SLC38A10: variants seen among roughly 807,000 people sequenced by gnomAD.
SLC38A10 encodes the protein Sodium-coupled neutral amino acid transporter 10.
SLC38A10 carries 53 observed loss-of-function variants against 81.0 expected under a neutral mutation model. The ratio of observed to expected loss-of-function variants is 0.65; its 90% CI spans 0.53 to 0.82. The LOEUF (loss-of-function observed/expected upper bound fraction) is 0.82. SLC38A10 is among the 40% of genes least tolerant of loss of function. The pLI, the probability that SLC38A10 is intolerant of heterozygous loss-of-function variation, is 0.00. For missense variants in SLC38A10, 1,471 were observed against 1,545.0 expected, an observed-to-expected ratio of 0.95 and a Z score of 0.80; for synonymous variants, 665 against 655.3, an observed-to-expected ratio of 1.01 and a Z score of -0.23.
intron 8 of SLC38A10, 44 bp downstream of exon 8, chr17:81,275,925 T>TG (rs1305390878): frequency 7.6e-6 from 12 of 1,572,542 alleles, no homozygotes; most frequent in Non-Finnish European, 1.0e-5. Flanking sequence ...GAAGCGAGCC[T>TG]GACCTGTGCT....
Position 81,246,936 on chromosome 17 carries a change from T to C in SLC38A10, c.2191A>G (p.Lys731Glu), listed in dbSNP as rs751124562. 6.2e-7 allele frequency: 1 copy of C among 1,608,146 alleles called. No individual in the cohort carries two copies. The highest frequency in any genetic ancestry group is 1.1e-5 in the South Asian group (1 of 91,010). Residue 731 changes from lysine to glutamate, a missense_variant, in exon 15 of 16, where the codon AAG (lysine) becomes GAG (glutamate). By Grantham distance (56) the Lys-to-Glu change is moderately conservative (BLOSUM62 1). This residue lies in a region of SLC38A10 where 751 missense variants were observed against 717.4 expected (regional missense o/e 1.05). Transcript: ENST00000374759. ...TCCTGCCTCTGCTGGTGGATCTCCTTGTGCTGCTCCTCGATCACCGCCAGC... is the reference window on the plus strand; with the variant it reads ...TCCTGCCTCTGCTGGTGGATCTCCTCGTGCTGCTCCTCGATCACCGCCAGC... ...KLLAVIEEQH[K>E]EIHQQRQEDE...
chr17:81,252,320 G>A lies in SLC38A10; in HGVS notation c.1820C>T (p.Pro607Leu). ...GPGDRGLHPR[P>L]QAVLSEQQNG... ...CTGCTGCTCAGACAGCACTGCCTGG[G>A]GCCGAGGATGCAGGCCCCTGTCTCC... Residue 607 changes from proline (P) to leucine (L), a missense_variant, in exon 13 of 16, where the codon CCC becomes CTC. Pro to Leu is a moderately conservative substitution (Grantham distance 98). Transcript: ENST00000374759. 1 of 1,612,594 alleles carries A rather than the reference G, an allele frequency of 6.2e-7. No individual in the cohort carries two copies. Among genetic ancestry groups the A allele is most frequent in the Non-Finnish European group, 8.5e-7 (1 of 1,179,708 alleles).
intron 8 of SLC38A10, among the ~76,000 whole-genome samples, chr17:81,274,328 G>A (rs563024332): frequency 1.3e-5 from 2 of 152,346 alleles, no homozygotes; most frequent in South Asian, 2.1e-4. Flanking sequence ...AAGTCTGCAG[G>A]AGGCTGTGGT....
chr17:81,256,259 G>A (rs375984486), intron 11 of SLC38A10, among the ~76,000 whole-genome samples: 5 of 152,228 alleles, frequency 3.3e-5, no homozygotes, highest in South Asian at 2.1e-4. Flanking sequence ...CTCAGGGCTC[G>A]GTCTTTGGAG....
At chr17:81,275,509 G>C (rs955219313) in intron 8 of SLC38A10, among the ~76,000 whole-genome samples, 1 of 151,814 alleles carries the variant, frequency 6.6e-6, no homozygotes, top group African/African-American at 2.4e-5. Flanking sequence ...CGAGACGGGC[G>C]GATCACGAGG....
At chr17:81,247,311 C>T (rs2062861666) in intron 14 of SLC38A10, 1 of 381,090 alleles carries the variant, frequency 2.6e-6, no homozygotes, top group Non-Finnish European at 4.7e-6. Flanking sequence ...GATGGCCTCT[C>T]CCGCACAGCC....
intron 9 of SLC38A10, 103 bp from the exon 10 acceptor site, chr17:81,271,127 G>A (rs376657445): frequency 2.7e-5 from 26 of 948,812 alleles, no homozygotes; most frequent in African/African-American, 4.9e-5. Context: ...CAGCATTGAA[G>A]GAAATGCCGT....
intron 11 of SLC38A10, among the ~76,000 whole-genome samples, chr17:81,257,612 T>C (rs1051910323): frequency 8.5e-5 from 13 of 152,306 alleles, no homozygotes; most frequent in Admixed American, 2.6e-4. Flanking sequence ...CCTCCACGCA[T>C]GGGGGCTGTG....
intron 14 of SLC38A10, among the ~76,000 whole-genome samples, chr17:81,249,155 G>GGCC (rs2062880607): frequency 6.7e-6 from 1 of 150,176 alleles, no homozygotes; most frequent in Admixed American, 6.6e-5. Flanking sequence ...ACTAGCCCTG[G>GGCC]GCCTGGTGCT....
intron 10 of SLC38A10, among the ~76,000 whole-genome samples, chr17:81,261,563 A>G (rs991102985): frequency 6.6e-6 from 1 of 152,236 alleles, no homozygotes; most frequent in Non-Finnish European, 1.5e-5. Context: ...CAATTAGAGA[A>G]GAGGTCTCCC....
At position 81,270,996 on chromosome 17, in the gene SLC38A10, C is replaced by T. The variant is rs758222332; in HGVS notation, c.1053G>A (p.Ala351=). The T allele has an allele frequency of 1.7e-5, 28 of 1,613,282 alleles. No homozygotes were observed. Among genetic ancestry groups the T allele is most frequent in the South Asian group, 1.1e-4 (10 of 91,080 alleles). ...TGAAGCAGATGAGGCTTCCCATGGT[C>T]GCTCCTGTGAGGCCCAGGATGGTCT... is the stretch of plus-strand genomic sequence containing the variant. ...NVETILGLTG[A]TMGSLICFIC... is the part of the protein sequence containing the mutation. The change falls in exon 10 of 16, where the codon GCG becomes GCA. Residue 351 remains alanine, a synonymous_variant. Transcript: ENST00000374759. This position sits in a 1 kb window ranked among gnomAD's most constrained non-coding sequence, Gnocchi z 4.0.
At chr17:81,280,573 A>C in intron 6 of SLC38A10, 36 bp downstream of exon 6, 1 of 1,608,102 alleles carries the variant, frequency 6.2e-7, no homozygotes, top group African/African-American at 1.3e-5. Flanking sequence ...CCTCCCCGTC[A>C]CAGAACTCCA....
rs2062857279 is a variant in SLC38A10 at position 81,246,882 on chromosome 17, T to C, written c.2242+3A>G. ...CCCCACTCCATCCGCCAGCCCGGCC[T>C]ACCCTGCCTGGGTTTATCCTCCTCG... is the stretch of plus-strand genomic sequence containing the variant. On this transcript the variant is annotated splice_donor_region_variant and intron_variant, in intron 15 of 15. Transcript: ENST00000374759. 1.1e-5 allele frequency: 17 copies of C among 1,585,874 alleles called. No homozygotes were observed. Among genetic ancestry groups the C allele is most frequent in the Non-Finnish European group, 1.5e-5 (17 of 1,163,072 alleles).
intron 14 of SLC38A10, chr17:81,249,947 G>C (rs1598377964): frequency 2.3e-6 from 2 of 873,110 alleles, no homozygotes; most frequent in Non-Finnish European, 3.1e-6. Context: ...CGCAGGTCTG[G>C]GGCCTGACAC....
intron 11 of SLC38A10, among the ~76,000 whole-genome samples, chr17:81,256,660 G>A (rs778331313): frequency 7.9e-5 from 12 of 152,256 alleles, no homozygotes; most frequent in Non-Finnish European, 1.6e-4. Context: ...TGAGAACAAT[G>A]GCCGCTGACG....
intron 14 of SLC38A10, chr17:81,250,234 G>T: frequency 1.2e-6 from 1 of 859,746 alleles, no homozygotes; most frequent in South Asian, 1.7e-5. Context: ...AACATGGCCA[G>T]ACTAAAACCG....
In SLC38A10 at chr17:81,245,191, C is replaced by A; in HGVS notation, c.*365G>T. On this transcript the variant is annotated 3_prime_UTR_variant, in exon 16 of 16. Transcript: ENST00000374759. ...ACGGCCGAGCTCAACCCGAAGACCA[C>A]GCGTGCTCCCTGGCAGGAGCAGGAG... is the stretch of plus-strand genomic sequence containing the variant. 1 of 244,760 alleles carries A rather than the reference C, an allele frequency of 4.1e-6. No homozygotes were observed. Among genetic ancestry groups the A allele is most frequent in the Non-Finnish European group, 7.9e-6 (1 of 126,394 alleles). 15.2% of individuals were successfully genotyped at this position (244,760 alleles called of 1,614,324 possible).
rs768271284 is a variant in SLC38A10, at chr17:81,275,996, G to A, written c.885C>T (p.Ala295=). The A allele has an allele frequency of 1.2e-6, 2 of 1,613,672 alleles. No homozygotes were observed. Among genetic ancestry groups the A allele is most frequent in the Admixed American group, 3.3e-5 (2 of 60,020 alleles). ...GCTGCTCACACAGCAGCGTGCTCAG[G>A]GCCTGCCTGCATGGCAGGATCATCA... ...FPMMILPCRQ[A]LSTLLCEQQQ... Residue 295 remains alanine, a synonymous_variant, in exon 8 of 16, where the codon GCC becomes GCT. Transcript: ENST00000374759.
rs755157688 is a variant in SLC38A10, at chr17:81,289,719, C to G, written c.189G>C (p.Leu63=). The G allele has an allele frequency of 1.2e-6, 2 of 1,611,384 alleles. No individual in the cohort carries two copies. The highest frequency in any genetic ancestry group is 1.7e-6 in the Non-Finnish European group (2 of 1,179,732). ...GGCCGGCGTAGGTCCTCCGCTTGCTCAGGCTGGCCGACTTCACCAAGAACA... is the reference window on the plus strand; with the variant it reads ...GGCCGGCGTAGGTCCTCCGCTTGCTGAGGCTGGCCGACTTCACCAAGAACA... ...SCMFLVKSAS[L]SKRRTYAGLA... is the part of the protein sequence containing the mutation. The change falls in exon 2 of 16, where the codon CTG becomes CTC. Residue 63 remains leucine, a synonymous_variant. Transcript: ENST00000374759. This position sits in a 1 kb window ranked among gnomAD's most constrained non-coding sequence, Gnocchi z 5.9.
Sources: gnomAD v4.1 joint callset for allele counts (sites outside exome capture counted in the v4.1 genomes callset) on GRCh38, gnomAD v4.1.1 for gene constraint, gnomAD v4.1.1 regional missense constraint, Gnocchi (gnomAD v3.1) non-coding constraint, MANE v1.5 for transcripts, NCBI Gene and HGNC (gene_info 2026-07-23, HGNC 2026-07-21) for gene names.